The following NHS variants were observed in gnomAD, a reference collection of about 807,000 sequenced individuals.
The protein encoded by NHS is actin remodeling regulator NHS.
Under a neutral mutation model 72.5 loss-of-function variants are expected in NHS, and 5 were observed. The ratio of observed to expected loss-of-function variants is 0.07; its 90% CI spans 0.04 to 0.14. NHS has a LOEUF of 0.14. NHS is among the 10% of genes least tolerant of loss of function. The pLI is 1.00. For synonymous variants in NHS, 464 were observed against 547.7 expected, an observed-to-expected ratio of 0.85 and a Z score of 2.13; for missense variants, 1,072 against 1,355.7, an observed-to-expected ratio of 0.79 and a Z score of 3.29.
chrX:17,553,120 C>T (rs956123700), intron 1 of NHS, among the ~76,000 whole-genome samples: 5 of 112,889 alleles, frequency 4.4e-5, no homozygotes, highest in African/African-American at 1.6e-4. Context: ...CCCTCCTCCT[C>T]CCACCAAACT....
At chrX:17,541,767 A>AACACAC (rs57700886) in intron 1 of NHS, among the ~76,000 whole-genome samples, 1,670 of 62,885 alleles carry the variant, frequency 0.027, 77 homozygotes, top group African/African-American at 0.067. Flanking sequence ...TGAGTTTGCG[A>AACACAC]ACACACACAC....
chrX:17,728,274 G>A lies in NHS; in HGVS notation c.4168G>A (p.Asp1390Asn), dbSNP rs142186771. Residue 1390 changes from aspartate to asparagine, a missense_variant, in exon 7 of 9, where the codon GAT becomes AAT. Physicochemically the swap from Asp to Asn is conservative, Grantham distance 23 (BLOSUM62 1). Coordinates refer to ENST00000676302, the MANE Select transcript of NHS (RefSeq NM_001291867.2). ...AGGTATTTCAGCCAAAAGTGCCTCTGATAACAGCAAAGCAGAGGAGACCCA... is the reference window on the plus strand; with the variant it reads ...AGGTATTTCAGCCAAAAGTGCCTCTAATAACAGCAAAGCAGAGGAGACCCA... ...ASGISAKSAS[D>N]NSKAEETQGN... The A allele has an allele frequency of 1.3e-4, 156 of 1,210,414 alleles. No individual in the cohort carries two copies. The African/African-American group carries it at 2.4e-3, about 19-fold the overall frequency.
chrX:17,728,571 G>A (rs2066466663), intron 7 of NHS, 78 bp from the exon 8 acceptor site: 1 of 1,138,533 alleles, frequency 8.8e-7, no homozygotes, highest in African/African-American at 1.8e-5. Flanking sequence ...TTGTTTGTTT[G>A]TTTGTTCCCT....
intron 1 of NHS, among the ~76,000 whole-genome samples, chrX:17,551,751 C>G (rs1235394624): frequency 5.4e-5 from 6 of 111,168 alleles, no homozygotes; most frequent in African/African-American, 2.0e-4. Context: ...CCCTCTCCTC[C>G]CTGTGCCTGT....
chrX:17,463,291 C>T (rs1259699441), intron 1 of NHS, among the ~76,000 whole-genome samples: 1 of 110,735 alleles, frequency 9.0e-6, no homozygotes, highest in Non-Finnish European at 1.9e-5. Context: ...AGACAAATAG[C>T]CCATAAAAAG....
At chrX:17,509,692 C>G (rs1307131965) in intron 1 of NHS, among the ~76,000 whole-genome samples, 1 of 112,430 alleles carries the variant, frequency 8.9e-6, no homozygotes, top group African/African-American at 3.2e-5. Flanking sequence ...GGTCAAGGAA[C>G]TTGCTCAAGG....
At chrX:17,476,809 G>A (rs574045484) in intron 1 of NHS, among the ~76,000 whole-genome samples, 5 of 111,961 alleles carry the variant, frequency 4.5e-5, no homozygotes, top group South Asian at 3.8e-4. Context: ...AGCCCACCTC[G>A]TGCATGGGCA....
chrX:17,620,758 T>C (rs1177746287), intron 1 of NHS, among the ~76,000 whole-genome samples: 2 of 111,320 alleles, frequency 1.8e-5, no homozygotes, highest in Non-Finnish European at 3.8e-5. Context: ...GAGGAGAATA[T>C]TCTGGGCAAA....
intron 1 of NHS, among the ~76,000 whole-genome samples, chrX:17,451,759 T>G (rs2064806431): frequency 8.9e-6 from 1 of 112,239 alleles, no homozygotes; most frequent in African/African-American, 3.2e-5. Context: ...TGTTAAATCC[T>G]TATGAAAAGG....
intron 1 of NHS, among the ~76,000 whole-genome samples, chrX:17,668,313 C>CA (rs770728063): frequency 0.014 from 1,464 of 106,957 alleles, 33 homozygotes; most frequent in South Asian, 0.12. Context: ...ATTAAGAATA[C>CA]AAAAAAAAAT....
chrX:17,612,889 A>G (rs1340133515), intron 1 of NHS, among the ~76,000 whole-genome samples: 1 of 111,074 alleles, frequency 9.0e-6, no homozygotes, highest in Non-Finnish European at 1.9e-5. Context: ...CTTGCAAGGC[A>G]TTTCTCTCCC....
In NHS at chrX:17,728,205, A is replaced by C; in HGVS notation, c.4099A>C (p.Asn1367His). The C allele has an allele frequency of 8.3e-7, 1 of 1,211,743 alleles. No individual in the cohort carries two copies. The highest frequency in any genetic ancestry group is 1.8e-5 in the South Asian group (1 of 56,947). Residue 1367 changes from asparagine to histidine, a missense_variant, in exon 7 of 9, where the codon AAT becomes CAT. Physicochemically the swap from Asn to His is moderately conservative, Grantham distance 68. Coordinates refer to ENST00000676302, the MANE Select transcript of NHS (RefSeq NM_001291867.2). ...CTATGAATCGGAGATAACATCTGTAAATTCATTCCCTGAAAAATGTTCCAA... is the reference window on the plus strand; with the variant it reads ...CTATGAATCGGAGATAACATCTGTACATTCATTCCCTGAAAAATGTTCCAA... ...ISYESEITSV[N>H]SFPEKCSKQE...
At chrX:17,555,863 C>T (rs187462244) in intron 1 of NHS, among the ~76,000 whole-genome samples, 4 of 102,405 alleles carry the variant, frequency 3.9e-5, no homozygotes, top group Non-Finnish European at 5.9e-5. Flanking sequence ...TGGAGTTACA[C>T]CCTTCAAAGG....
At position 17,732,690 on chromosome X, in the gene NHS, T is replaced by A; in HGVS notation, c.*226T>A. 1 of 443,152 alleles carries A rather than the reference T, an allele frequency of 2.3e-6. No individual in the cohort carries two copies. The highest frequency in any genetic ancestry group is 3.8e-6 in the Non-Finnish European group (1 of 262,812). The allele number at this position is 443,152 out of a possible 1,213,427, so 36.5% of individuals were successfully genotyped here. A position where few individuals can be genotyped will look rare whatever the true frequency, so the allele number is the denominator to read the frequency against. On this transcript the variant is annotated 3_prime_UTR_variant, in exon 9 of 9. Transcript: ENST00000676302. ...AGCTGCAGTCTTTCATGTTTTTCTT[T>A]AGCATAGTTTGATTTACGCAATCTC...
chrX:17,399,657 G>T (rs931043064), intron 1 of NHS, among the ~76,000 whole-genome samples: 1 of 111,481 alleles, frequency 9.0e-6, no homozygotes, highest in Non-Finnish European at 1.9e-5. Context: ...AGATATTGAA[G>T]ATACAAATAA....
chrX:17,429,526 A>G (rs2064677184), intron 1 of NHS, among the ~76,000 whole-genome samples: 1 of 111,389 alleles, frequency 9.0e-6, no homozygotes, highest in Non-Finnish European at 1.9e-5. Context: ...GGAATCTTTT[A>G]TCGTCTGTTA....
intron 1 of NHS, among the ~76,000 whole-genome samples, chrX:17,451,475 A>G (rs769884892): frequency 1.1e-4 from 12 of 112,582 alleles, no homozygotes; most frequent in Non-Finnish European, 2.2e-4. Context: ...TTATAGTACC[A>G]CGTCCTTTCA....
rs754945447 is a variant in NHS at position 17,538,048 on chromosome X, C to G, written c.566-149694C>G. On this transcript the variant is annotated intron_variant, in intron 1 of 8. Coordinates refer to ENST00000676302, the MANE Select transcript of NHS (RefSeq NM_001291867.2). ...CCAGTGCCCCCATCTTGCGGAAGGC[C>G]AAGCATTCCCAGGGCTAGTGGGACT... Among the ~76,000 whole-genome samples, 3 of 111,979 alleles carry G rather than the reference C, an allele frequency of 2.7e-5. No individual in the cohort carries two copies. The South Asian group carries it at 1.1e-3, about 42-fold the overall frequency.
chrX:17,461,842 A>G (rs1194346901), intron 1 of NHS, among the ~76,000 whole-genome samples: 2 of 112,353 alleles, frequency 1.8e-5, no homozygotes, highest in Non-Finnish European at 3.8e-5. Context: ...GGTCAGGGTG[A>G]CTTAATTCTC....
Sources: allele counts gnomAD v4.1 joint callset (sites outside exome capture counted in the v4.1 genomes callset), GRCh38; gene constraint gnomAD v4.1.1; transcripts MANE v1.5; gene names NCBI Gene and HGNC (gene_info 2026-07-23, HGNC 2026-07-21).